ARHGEF9: variants seen among roughly 807,000 people sequenced by gnomAD.
ARHGEF9 encodes rho guanine nucleotide exchange factor 9.
In ARHGEF9, 2 loss-of-function variants were observed where a neutral mutation model predicts 41.3. That is an observed-to-expected ratio of 0.05 (90% CI 0.02 to 0.15). ARHGEF9 has a LOEUF of 0.15. ARHGEF9 is among the 10% of genes least tolerant of loss of function. ARHGEF9 has a pLI of 1.00. For synonymous variants in ARHGEF9, 160 were observed against 154.4 expected (o/e 1.04, Z -0.27); for missense variants, 225 against 424.7 (o/e 0.53, Z 4.13).
At chrX:63,767,666 A>C (rs1251382777) in intron 1 of ARHGEF9, among the ~76,000 whole-genome samples, 1 of 112,557 alleles carries the variant, frequency 8.9e-6, no homozygotes, top group African/African-American at 3.2e-5. Flanking sequence ...AAAAACATTT[A>C]GAACAGTGCC....
chrX:63,720,367 A>G (rs145058774), intron 2 of ARHGEF9, among the ~76,000 whole-genome samples: 1,709 of 112,149 alleles, frequency 0.015, 24 homozygotes, highest in African/African-American at 0.052. Flanking sequence ...CACTAAACAA[A>G]TGGACAACCA....
intron 2 of ARHGEF9, among the ~76,000 whole-genome samples, chrX:63,718,460 C>G (rs1455600362): frequency 9.0e-6 from 1 of 110,983 alleles, no homozygotes; most frequent in Admixed American, 9.6e-5. Flanking sequence ...AGTATATACA[C>G]GATGCTAGGA....
intron 5 of ARHGEF9, 127 bp from the exon 6 acceptor site, chrX:63,674,294 C>T: frequency 1.4e-6 from 1 of 720,349 alleles, no homozygotes; most frequent in Non-Finnish European, 2.1e-6. Flanking sequence ...CAGATGGGAA[C>T]CCACACCACC....
intron 1 of ARHGEF9, among the ~76,000 whole-genome samples, chrX:63,774,071 AT>A (rs1556456591): frequency 5.5e-5 from 6 of 108,940 alleles, no homozygotes; most frequent in African/African-American, 2.0e-4. Flanking sequence ...CTATCTATCT[AT>A]CTATCTATCT....
intron 1 of ARHGEF9, among the ~76,000 whole-genome samples, chrX:63,747,038 CTG>C (rs2055318791): frequency 8.9e-6 from 1 of 112,271 alleles, no homozygotes; most frequent in Non-Finnish European, 1.9e-5. Context: ...TAAAACCACT[CTG>C]TGTATTCTAA....
intron 4 of ARHGEF9, among the ~76,000 whole-genome samples, chrX:63,682,746 C>G (rs1556371008): frequency 8.9e-6 from 1 of 111,789 alleles, no homozygotes; most frequent in Non-Finnish European, 1.9e-5. Context: ...ACGGTTATTT[C>G]AATAGATGTG....
intron 8 of ARHGEF9, among the ~76,000 whole-genome samples, chrX:63,649,859 C>T (rs1556326004): frequency 1.8e-5 from 2 of 111,501 alleles, no homozygotes; most frequent in Non-Finnish European, 3.8e-5. Flanking sequence ...ACAAATTCCT[C>T]GACACATACA....
At position 63,635,809 on chromosome X, in the gene ARHGEF9, C is replaced by A. The variant is rs1370775779; in HGVS notation, c.*2219G>T. On this transcript the variant is annotated 3_prime_UTR_variant, in exon 10 of 10. Coordinates refer to ENST00000671741, the MANE Select transcript of ARHGEF9 (RefSeq NM_001353921.2). ...CTCGAAGAAGCATGTCAAGGCCAAG[C>A]CTAGTAAGGAGGAGTGAGAAGTTGG... The A allele has an allele frequency of 1.3e-5, 2 of 158,692 alleles. No homozygotes were observed. Among genetic ancestry groups the A allele is most frequent in the South Asian group, 3.0e-4 (2 of 6,717 alleles). 13.1% of individuals were successfully genotyped at this position (158,692 alleles called of 1,213,427 possible).
intron 4 of ARHGEF9, among the ~76,000 whole-genome samples, 185 bp downstream of exon 4, chrX:63,696,940 C>A (rs1336488489): frequency 9.0e-6 from 1 of 111,513 alleles, no homozygotes; most frequent in Admixed American, 9.5e-5. Flanking sequence ...ATTTATAGGG[C>A]AAATCACAGC....
intron 3 of ARHGEF9, among the ~76,000 whole-genome samples, chrX:63,700,438 T>G (rs1400839785): frequency 8.9e-6 from 1 of 111,854 alleles, no homozygotes; most frequent in Middle Eastern, 4.3e-3. Context: ...CAATCAATAC[T>G]TGTCTACTCT....
intron 1 of ARHGEF9, among the ~76,000 whole-genome samples, chrX:63,741,909 T>A (rs1331206228): frequency 8.9e-6 from 1 of 112,416 alleles, no homozygotes; most frequent in Non-Finnish European, 1.9e-5. Context: ...TGTGTCTGAG[T>A]ATGTGTAAGT....
At chrX:63,705,717 C>T (rs782266260) in intron 3 of ARHGEF9, among the ~76,000 whole-genome samples, 90 of 111,371 alleles carry the variant, frequency 8.1e-4, no homozygotes, top group African/African-American at 2.9e-3. Flanking sequence ...GAGAGTAGGA[C>T]CAGCAGCATC....
chrX:63,741,861 C>A (rs1218691938), intron 1 of ARHGEF9, among the ~76,000 whole-genome samples: 1 of 112,470 alleles, frequency 8.9e-6, no homozygotes, highest in African/African-American at 3.2e-5. Flanking sequence ...AAAATATGTT[C>A]CAGCTGTGTG....
At chrX:63,750,646 A>G (rs1167046088) in intron 1 of ARHGEF9, among the ~76,000 whole-genome samples, 1 of 111,118 alleles carries the variant, frequency 9.0e-6, no homozygotes, top group Non-Finnish European at 1.9e-5. Flanking sequence ...CCAAGATATC[A>G]CTTCACCCCC....
chrX:63,754,776 T>A, intron 1 of ARHGEF9: 1 of 952,844 alleles, frequency 1.0e-6, no homozygotes, highest in Non-Finnish European at 1.3e-6. Flanking sequence ...GGGTGCTTGG[T>A]TCCCCCCTTC....
chrX:63,722,410 GT>G (rs782226432), intron 2 of ARHGEF9, among the ~76,000 whole-genome samples: 205 of 89,339 alleles, frequency 2.3e-3, no homozygotes, highest in African/African-American at 6.4e-3. Flanking sequence ...GTTGTTTTTT[GT>G]TTTTTTTTTT....
chrX:63,770,481 C>T (rs1328866058), intron 1 of ARHGEF9, among the ~76,000 whole-genome samples: 1 of 111,802 alleles, frequency 8.9e-6, no homozygotes, highest in East Asian at 2.8e-4. Flanking sequence ...ACCTGCTTTG[C>T]CTCAAATTTT....
intron 8 of ARHGEF9, among the ~76,000 whole-genome samples, chrX:63,648,357 A>G (rs2048277740): frequency 9.0e-6 from 1 of 111,363 alleles, no homozygotes; most frequent in African/African-American, 3.3e-5. Context: ...ACTAAGCTTC[A>G]TAAGTGAAGG....
chrX:63,747,188 T>A lies in ARHGEF9; in HGVS notation c.31-22477A>T, dbSNP rs781943914. On this transcript the variant is annotated intron_variant, in intron 1 of 9. Transcript: ENST00000671741. ...TCTTTGAAGTCATCAAATCCACCTA[T>A]CCTTATTTTGCTGATGAAGAAAACC... Among the ~76,000 whole-genome samples, 3 of 112,096 alleles carry A rather than the reference T, an allele frequency of 2.7e-5. No individual in the cohort carries two copies. In the East Asian group the frequency reaches 8.3e-4, roughly 31 times the overall value.
Sources: gnomAD v4.1 joint callset for allele counts (sites outside exome capture counted in the v4.1 genomes callset) on GRCh38, gnomAD v4.1.1 for gene constraint, MANE v1.5 for transcripts, NCBI Gene and HGNC (gene_info 2026-07-23, HGNC 2026-07-21) for gene names.